The following GTF3C4 variants were observed in gnomAD, a reference collection of about 807,000 sequenced individuals.
GTF3C4 encodes general transcription factor IIIC subunit 4.
In GTF3C4, 28 loss-of-function variants were observed where a neutral mutation model predicts 67.5. The observed-to-expected ratio is 0.41, with a 90% CI of 0.31 to 0.57. The LOEUF (loss-of-function observed/expected upper bound fraction) is 0.57. Among genes scored for constraint, GTF3C4 ranks in the 20% least tolerant of loss-of-function variants. The pLI, the probability that GTF3C4 is intolerant of heterozygous loss-of-function variation, is 0.21. For synonymous variants in GTF3C4, 409 were observed against 393.0 expected, an observed-to-expected ratio of 1.04 and a Z score of -0.48; for missense variants, 831 against 1,033.2, an observed-to-expected ratio of 0.80 and a Z score of 2.68.
At chr9:132,680,761 T>A (rs1005504837) in intron 2 of GTF3C4, among the ~76,000 whole-genome samples, 16 of 152,272 alleles carry the variant, frequency 1.1e-4, no homozygotes, top group African/African-American at 3.9e-4. Flanking sequence ...ATGTTTGCAA[T>A]GGTCTTAAGA....
upstream of GTF3C4, chr9:132,670,210 A>G (rs756025286): frequency 1.1e-5 from 18 of 1,565,836 alleles, no homozygotes; most frequent in East Asian, 3.6e-4. Flanking sequence ...ACGCTGGGGA[A>G]GCTCTCTGAA....
Position 132,691,974 on chromosome 9 carries a change from T to C in GTF3C4, c.*3029T>C, listed in dbSNP as rs184951694. On this transcript the variant is annotated 3_prime_UTR_variant, in exon 5 of 5. Transcript: ENST00000372146. ...GGTATCAAATAAGATGCAAAAGAAG[T>C]TGATGCTTATTGGTGCTTAAGAGAA... The C allele has an allele frequency of 6.6e-6, 1 of 152,236 alleles. No homozygotes were observed. Among genetic ancestry groups the C allele is most frequent in the African/African-American group, 2.4e-5 (1 of 41,470 alleles). The allele number at this position is 152,236 out of a possible 1,614,324, so 9.4% of individuals were successfully genotyped here.
rs1224017261 is a variant in GTF3C4 at position 132,691,323 on chromosome 9, G to A, written c.*2378G>A. The A allele has an allele frequency of 1.3e-5, 2 of 152,100 alleles. No individual in the cohort carries two copies. Among genetic ancestry groups the A allele is most frequent in the African/African-American group, 4.8e-5 (2 of 41,448 alleles). The allele number at this position is 152,100 out of a possible 1,614,324, so 9.4% of individuals were successfully genotyped here. A position where few individuals can be genotyped will look rare whatever the true frequency, so the allele number is the denominator to read the frequency against. ...TTGCTCAGTGCAACCTTGGAAAAGT[G>A]GGAATGGCACCAGACGTTTTTCAGG... On this transcript the variant is annotated 3_prime_UTR_variant, in exon 5 of 5. Transcript: ENST00000372146.
In GTF3C4 at chr9:132,678,306, G is replaced by A. The variant is rs138509726; in HGVS notation, c.687G>A (p.Pro229=). Residue 229 remains proline, a synonymous_variant, in exon 2 of 5, where the codon CCG becomes CCA. Transcript: ENST00000372146. The surrounding 1 kb of genome is among the most constrained non-coding windows in gnomAD (Gnocchi z 6.5). ...ACAGGCTCTCTAAAAATGAGGCCCC[G>A]GAAGGAAATCTCGGGGATTTTGCTG... is the stretch of plus-strand genomic sequence containing the variant. The part of the protein sequence containing the change: ...TSYRLSKNEA[P]EGNLGDFAEF... 11 of 1,614,146 alleles carry A rather than the reference G, an allele frequency of 6.8e-6. 1 individual carries two copies. The highest frequency in any genetic ancestry group is 5.5e-5 in the South Asian group (5 of 91,086).
chr9:132,688,583 C>T (rs890459280), intron 4 of GTF3C4, among the ~76,000 whole-genome samples: 38 of 152,162 alleles, frequency 2.5e-4, no homozygotes, highest in African/African-American at 8.4e-4. Context: ...AACACATTCT[C>T]GGAATATACT....
At chr9:132,683,478 T>C in intron 2 of GTF3C4, 85 bp from the exon 3 acceptor site, 1 of 1,223,864 alleles carries the variant, frequency 8.2e-7, no homozygotes, top group South Asian at 1.4e-5. Context: ...TCTTTATTTT[T>C]TAATTTTCCC....
At chr9:132,676,934 T>C (rs1835872440) in intron 1 of GTF3C4, among the ~76,000 whole-genome samples, 1 of 152,226 alleles carries the variant, frequency 6.6e-6, no homozygotes, top group Admixed American at 6.5e-5. Context: ...TACCCATTTC[T>C]CTAAAGACAG....
chr9:132,675,013 CAG>C (rs111888068), intron 1 of GTF3C4, among the ~76,000 whole-genome samples: 45,428 of 151,938 alleles, frequency 0.3, 7,533 homozygotes, highest in East Asian at 0.44. Flanking sequence ...GCCAGGGTGA[CAG>C]AGAGGAATCT....
intron 1 of GTF3C4, among the ~76,000 whole-genome samples, chr9:132,673,196 G>A (rs1431703303): frequency 6.6e-6 from 1 of 151,970 alleles, no homozygotes; most frequent in East Asian, 1.9e-4. Flanking sequence ...AAAAAAGAAA[G>A]AAAATATAAT....
Position 132,687,388 on chromosome 9 carries a change from G to A in GTF3C4, c.2404+61G>A, listed in dbSNP as rs144695490. On this transcript the variant is annotated intron_variant, in intron 4 of 4. Transcript: ENST00000372146. The stretch of plus-strand genomic sequence containing the variant: ...TGGAACATGCTGGCAGAGGGCCAGC[G>A]CCCCAGAATAACAGTTCTAGTCACG... 124 of 934,400 alleles carry A rather than the reference G, an allele frequency of 1.3e-4. No homozygotes were observed. In the East Asian group the frequency reaches 2.6e-3, roughly 19 times the overall value. 57.9% of individuals were successfully genotyped at this position (934,400 alleles called of 1,614,324 possible). A position where few individuals can be genotyped will look rare whatever the true frequency, so the allele number is the denominator to read the frequency against.
chr9:132,681,223 C>G (rs1176589744), intron 2 of GTF3C4, among the ~76,000 whole-genome samples: 1 of 152,120 alleles, frequency 6.6e-6, no homozygotes, highest in Non-Finnish European at 1.5e-5. Flanking sequence ...GAAAAATTAG[C>G]AAAAACATGT....
intron 3 of GTF3C4, among the ~76,000 whole-genome samples, chr9:132,684,587 C>T (rs370901207): frequency 1.7e-3 from 261 of 152,334 alleles, no homozygotes; most frequent in African/African-American, 4.0e-3. Context: ...CTCCCTTTGT[C>T]CTCCCGCTGA....
chr9:132,685,748 A>G (rs1836017061), intron 3 of GTF3C4, among the ~76,000 whole-genome samples: 1 of 152,246 alleles, frequency 6.6e-6, no homozygotes, highest in South Asian at 2.1e-4. Flanking sequence ...AAAAATAAAA[A>G]CATATACTGA....
At chr9:132,670,346 C>T, upstream of GTF3C4, 3 of 1,409,072 alleles carry the variant, frequency 2.1e-6, no homozygotes, top group Non-Finnish European at 1.9e-6. Flanking sequence ...CTCTGGAGCT[C>T]AATCCCTGGG....
At chr9:132,677,883 A>C in intron 1 of GTF3C4, 94 bp from the exon 2 acceptor site, 1 of 957,438 alleles carries the variant, frequency 1.0e-6, no homozygotes, top group Non-Finnish European at 1.6e-6. Flanking sequence ...TATGGGAACC[A>C]GGCTATGAAT....
chr9:132,671,150 C>T (rs1052744842), intron 1 of GTF3C4, among the ~76,000 whole-genome samples, 195 bp downstream of exon 1: 2 of 152,162 alleles, frequency 1.3e-5, no homozygotes, highest in African/African-American at 4.8e-5. Flanking sequence ...CTGTCTGCAC[C>T]CTGTTTCCCC....
Position 132,689,838 on chromosome 9 carries a change from C to T in GTF3C4, c.*893C>T, listed in dbSNP as rs572285576. 2.0e-5 allele frequency: 3 copies of T among 152,314 alleles called. No individual in the cohort carries two copies. In the South Asian group the frequency reaches 6.2e-4, roughly 32 times the overall value. The allele number at this position is 152,314 out of a possible 1,614,324, so 9.4% of individuals were successfully genotyped here. On this transcript the variant is annotated 3_prime_UTR_variant, in exon 5 of 5. Coordinates refer to ENST00000372146, the MANE Select transcript of GTF3C4 (RefSeq NM_012204.4). ...CATTTCCAGATGTTTCATTTAGTAT[C>T]CAGGGGTCTGTCTGGAGACTTCTAG...
At chr9:132,685,028 T>C (rs1836004414) in intron 3 of GTF3C4, among the ~76,000 whole-genome samples, 1 of 151,324 alleles carries the variant, frequency 6.6e-6, no homozygotes, top group Non-Finnish European at 1.5e-5. Context: ...TTTTTTTTTT[T>C]TTTTGAGACA....
rs1484038252 is a variant in GTF3C4, at chr9:132,694,413, A to G, written c.*5468A>G. 6.6e-6 allele frequency: 1 copy of G among 152,262 alleles called. No homozygotes were observed. The highest frequency in any genetic ancestry group is 2.4e-5 in the African/African-American group (1 of 41,470). The allele number at this position is 152,262 out of a possible 1,614,324, so 9.4% of individuals were successfully genotyped here. On this transcript the variant is annotated 3_prime_UTR_variant, in exon 5 of 5. Transcript: ENST00000372146. ...AAAGCTACTCCTGCCAGAAGAGGGCAGAGTTCTTTCTTGGGTTTGAACTGG... is the reference window on the plus strand; with the variant it reads ...AAAGCTACTCCTGCCAGAAGAGGGCGGAGTTCTTTCTTGGGTTTGAACTGG...
Sources: allele counts gnomAD v4.1 joint callset (sites outside exome capture counted in the v4.1 genomes callset), GRCh38; gene constraint gnomAD v4.1.1; non-coding constraint Gnocchi (gnomAD v3.1); transcripts MANE v1.5; gene names NCBI Gene and HGNC (gene_info 2026-07-23, HGNC 2026-07-21).